Variants in MED12L observed in about 807,000 individuals in gnomAD.
The protein encoded by MED12L is mediator complex subunit 12L, also known as mediator of RNA polymerase II transcription subunit 12-like protein.
In MED12L, 60 loss-of-function variants were observed where a neutral mutation model predicts 281.3. That is an observed-to-expected ratio of 0.21 (90% CI 0.17 to 0.26). The LOEUF is 0.26. Ranked by LOEUF, MED12L falls within the 10% of genes least tolerant of loss-of-function variation. MED12L has a pLI of 1.00. For synonymous variants in MED12L, 974 were observed against 987.2 expected (o/e 0.99, Z 0.25); for missense variants, 2,146 against 2,680.9 (o/e 0.80, Z 4.41).
intron 16 of MED12L, among the ~76,000 whole-genome samples, chr3:151,266,797 G>A (rs1288172148): frequency 1.4e-4 from 22 of 152,148 alleles, no homozygotes; most frequent in Non-Finnish European, 2.6e-4. Flanking sequence ...TAAGGTCAGA[G>A]CAAAAAAGTG....
intron 16 of MED12L, among the ~76,000 whole-genome samples, chr3:151,247,711 T>C (rs898468999): frequency 1.3e-5 from 2 of 148,180 alleles, no homozygotes; most frequent in African/African-American, 5.0e-5. Context: ...TGTATACATA[T>C]GTAACTAACC....
At chr3:151,175,123 G>T (rs1721885945) in intron 11 of MED12L, among the ~76,000 whole-genome samples, 1 of 152,212 alleles carries the variant, frequency 6.6e-6, no homozygotes, top group African/African-American at 2.4e-5. Flanking sequence ...GTACAGCAAG[G>T]TTATGTTCTA....
intron 2 of MED12L, among the ~76,000 whole-genome samples, chr3:151,113,417 G>A (rs1712228491): frequency 6.6e-6 from 1 of 152,164 alleles, no homozygotes; most frequent in Admixed American, 6.5e-5. Flanking sequence ...ACATCATAGG[G>A]CCTTTGCTTG....
intron 16 of MED12L, among the ~76,000 whole-genome samples, chr3:151,233,244 C>T (rs1732060101): frequency 6.6e-6 from 1 of 152,188 alleles, no homozygotes; most frequent in African/African-American, 2.4e-5. Context: ...TTAGTCATGC[C>T]TCACCTTGAG....
intron 16 of MED12L, among the ~76,000 whole-genome samples, chr3:151,306,964 G>C (rs893764605): frequency 1.4e-4 from 21 of 152,152 alleles, no homozygotes; most frequent in Admixed American, 9.8e-4. Flanking sequence ...GAAATTGTAA[G>C]AATTTGAGAT....
Position 151,285,341 on chromosome 3 carries a change from C to T in MED12L, c.2251-64718C>T, listed in dbSNP as rs145151558. On this transcript the variant is annotated intron_variant, in intron 16 of 44. Transcript: ENST00000687756. ...CTACTAAAAAATACAAAAAATTAGC[C>T]GGGTGTGGTGGCGGGTGCCTGTAGT... is the stretch of plus-strand genomic sequence containing the variant. Among the ~76,000 whole-genome samples, 1,011 of 152,006 alleles carry T rather than the reference C, an allele frequency of 6.7e-3. 11 individuals carry two copies. The highest frequency in any genetic ancestry group is 0.022 in the African/African-American group (930 of 41,470).
chr3:151,193,584 A>G lies in MED12L; in HGVS notation c.2168A>G (p.Glu723Gly). 1 of 1,614,046 alleles carries G rather than the reference A, an allele frequency of 6.2e-7. No homozygotes were observed. Among genetic ancestry groups the G allele is most frequent in the East Asian group, 2.2e-5 (1 of 44,872 alleles). Residue 723 changes from glutamate to glycine, a missense_variant, in exon 16 of 45, where the codon GAA becomes GGA. Transcript: ENST00000687756. ...SVNCEKLVKREKPRELIFPSN... is the reference protein window; with the variant it reads ...SVNCEKLVKRGKPRELIFPSN... The stretch of plus-strand genomic sequence containing the variant: ...AATTGTGAGAAGTTGGTGAAGAGGG[A>G]AAAGCCAAGGGAATTAATTTTTCCA...
intron 16 of MED12L, among the ~76,000 whole-genome samples, chr3:151,235,485 C>G (rs975407485): frequency 6.6e-6 from 1 of 152,096 alleles, no homozygotes; most frequent in Non-Finnish European, 1.5e-5. Context: ...GTGGGCAGAT[C>G]ATGAGGTCAG....
intron 16 of MED12L, among the ~76,000 whole-genome samples, chr3:151,235,571 G>A (rs1481841042): frequency 6.6e-6 from 1 of 152,130 alleles, no homozygotes; most frequent in East Asian, 1.9e-4. Flanking sequence ...GGGCGTGCCT[G>A]TAATCCCAGT....
At chr3:151,411,240 G>C (rs767782055) in intron 40 of MED12L, 38 bp from the exon 41 acceptor site, 2 of 1,579,846 alleles carry the variant, frequency 1.3e-6, no homozygotes, top group Admixed American at 3.3e-5. Context: ...TAGGTGATAA[G>C]TTGAAACATT....
chr3:151,270,241 GTTT>G (rs1338324671), intron 16 of MED12L: 3 of 157,022 alleles, frequency 1.9e-5, no homozygotes, highest in African/African-American at 7.4e-5. Flanking sequence ...GTGTGTGTGT[GTTT>G]TCTTTTGGGC....
chr3:151,134,060 A>G (rs1363673277), intron 5 of MED12L, among the ~76,000 whole-genome samples: 1 of 152,214 alleles, frequency 6.6e-6, no homozygotes, highest in Non-Finnish European at 1.5e-5. Context: ...TATTGTGATA[A>G]GCAGGGATAC....
At chr3:151,334,032 A>G (rs1056245525) in intron 16 of MED12L, among the ~76,000 whole-genome samples, 2 of 152,028 alleles carry the variant, frequency 1.3e-5, no homozygotes, top group African/African-American at 4.8e-5. Flanking sequence ...AGCTGACATC[A>G]TGTCACTGCA....
At chr3:151,294,533 C>T (rs767037399) in intron 16 of MED12L, 3 of 1,614,146 alleles carry the variant, frequency 1.9e-6, no homozygotes, top group African/African-American at 2.7e-5. Flanking sequence ...TATGAATTGC[C>T]TGCTGGATTT....
intron 33 of MED12L, among the ~76,000 whole-genome samples, 183 bp from the exon 34 acceptor site, chr3:151,383,596 G>C (rs1712789813): frequency 6.6e-6 from 1 of 152,194 alleles, no homozygotes. Flanking sequence ...TGACTGAACT[G>C]TGCTGAAAGA....
At chr3:151,188,542 T>G in intron 13 of MED12L, 62 bp downstream of exon 13, 1 of 1,458,456 alleles carries the variant, frequency 6.9e-7, no homozygotes, top group Non-Finnish European at 9.3e-7. Context: ...TTTTTTCTGA[T>G]TCCTTTTTTA....
intron 11 of MED12L, among the ~76,000 whole-genome samples, chr3:151,184,568 C>T (rs1316693982): frequency 6.6e-6 from 1 of 152,180 alleles, no homozygotes; most frequent in Non-Finnish European, 1.5e-5. Flanking sequence ...TACCATCTCC[C>T]CGCTCACCAC....
At chr3:151,213,305 A>G in intron 16 of MED12L, 1 of 1,599,184 alleles carries the variant, frequency 6.3e-7, no homozygotes, top group Non-Finnish European at 8.5e-7. Context: ...GGAACTCACA[A>G]AGTATCTGTG....
At chr3:151,363,681 G>A (rs1754905571) in intron 21 of MED12L, among the ~76,000 whole-genome samples, 1 of 152,110 alleles carries the variant, frequency 6.6e-6, no homozygotes, top group Admixed American at 6.6e-5. Context: ...CCATTTAGTA[G>A]ATGACTTTAG....
Sources: gnomAD v4.1 joint callset for allele counts (sites outside exome capture counted in the v4.1 genomes callset) on GRCh38, gnomAD v4.1.1 for gene constraint, MANE v1.5 for transcripts, NCBI Gene and HGNC (gene_info 2026-07-23, HGNC 2026-07-21) for gene names.